TMEM168: variants seen among roughly 807,000 people sequenced by gnomAD.
TMEM168 encodes the protein transmembrane protein 168.
Under a neutral mutation model 53.2 loss-of-function variants are expected in TMEM168, and 40 were observed. The observed-to-expected ratio is 0.75, with a 90% CI of 0.58 to 0.98. The LOEUF (loss-of-function observed/expected upper bound fraction) is 0.98. TMEM168 is among the 50% of genes least tolerant of loss of function. The probability of loss-of-function intolerance (pLI) is 0.00; values close to 1 mark genes in which losing one functional copy is unlikely to be tolerated. For missense variants in TMEM168, 771 were observed against 828.8 expected (o/e 0.93, Z 0.86); for synonymous variants, 282 against 293.0 (o/e 0.96, Z 0.38).
intron 1 of TMEM168, among the ~76,000 whole-genome samples, chr7:112,785,922 C>T (rs2116308502): frequency 6.6e-6 from 1 of 152,198 alleles, no homozygotes; most frequent in African/African-American, 2.4e-5. Context: ...TAAAAAGAAA[C>T]TAGGGCCAGG....
In TMEM168 at chr7:112,784,545, A is replaced by T; in HGVS notation, c.281T>A (p.Leu94His). The change falls in exon 2 of 5, where the codon CTC becomes CAC. Residue 94 changes from leucine to histidine, a missense_variant. Coordinates refer to ENST00000312814, the MANE Select transcript of TMEM168 (RefSeq NM_022484.6). ...YFSMEAASLS[L>H]SNLWFGFLLG... is the part of the protein sequence containing the mutation. ...CAAGAATCCAAACCAAAGATTGGAG[A>T]GACTTAAACTTGCTGCTTCCATTGA... is the stretch of plus-strand genomic sequence containing the variant. 6.2e-7 allele frequency: 1 copy of T among 1,614,180 alleles called. No individual in the cohort carries two copies. The highest frequency in any genetic ancestry group is 2.2e-5 in the East Asian group (1 of 44,876).
chr7:112,769,969 C>T (rs1300060534), intron 4 of TMEM168, among the ~76,000 whole-genome samples: 1 of 152,148 alleles, frequency 6.6e-6, no homozygotes, highest in Non-Finnish European at 1.5e-5. Context: ...ACTGGGCCTG[C>T]TATCAACTTG....
chr7:112,775,395 C>T (rs1316866647), intron 2 of TMEM168, 77 bp from the exon 3 acceptor site: 16 of 1,237,940 alleles, frequency 1.3e-5, no homozygotes, highest in Non-Finnish European at 1.7e-5. Context: ...CATTGATTCA[C>T]ATTTTTTAGC....
intron 2 of TMEM168, among the ~76,000 whole-genome samples, chr7:112,783,316 T>C (rs1218272098): frequency 6.6e-6 from 1 of 152,222 alleles, no homozygotes; most frequent in Non-Finnish European, 1.5e-5. Flanking sequence ...TTCCTGCTAG[T>C]ACTAGTGACT....
rs949565875 is a variant in TMEM168, at chr7:112,772,841, C to A, written c.1486G>T (p.Asp496Tyr). Reference protein sequence around the residue: ...ELRTVDGPRHDTYILYYSGHT... With the variant: ...ELRTVDGPRHYTYILYYSGHT... ...CCACTGTAATACAAAATATACGTAT[C>A]ATGTCTGGGTCCATCCACTGTCCGA... is the stretch of plus-strand genomic sequence containing the variant. The change falls in exon 4 of 5, where the codon GAT (aspartate) becomes TAT (tyrosine). Residue 496 changes from aspartate to tyrosine, a missense_variant. Coordinates refer to ENST00000312814, the MANE Select transcript of TMEM168 (RefSeq NM_022484.6). 5.0e-6 allele frequency: 8 copies of A among 1,614,042 alleles called. No individual in the cohort carries two copies. In the South Asian group the frequency reaches 8.8e-5, roughly 18 times the overall value.
At chr7:112,777,055 A>C (rs559435498) in intron 2 of TMEM168, among the ~76,000 whole-genome samples, 128 of 152,084 alleles carry the variant, frequency 8.4e-4, no homozygotes, top group African/African-American at 3.0e-3. Context: ...TTCTTCACTG[A>C]TTTAGTTTTG....
At position 112,764,184 on chromosome 7, in the gene TMEM168, GTTTTT is replaced by G. The variant is rs535323845; in HGVS notation, c.*3008_*3012del. 1 of 149,838 alleles carries G rather than the reference GTTTTT, an allele frequency of 6.7e-6. No homozygotes were observed. Among genetic ancestry groups the G allele is most frequent in the African/African-American group, 2.5e-5 (1 of 40,314 alleles). The allele number at this position is 149,838 out of a possible 1,614,324, so 9.3% of individuals were successfully genotyped here. On this transcript the variant is annotated 3_prime_UTR_variant, in exon 5 of 5. Coordinates refer to ENST00000312814, the MANE Select transcript of TMEM168 (RefSeq NM_022484.6). Reference sequence around the variant, plus strand: ...TAAAAAAAGAAAATAAATTCATACTGTTTTTTTTATTCTATTGAAAAAAAAGATGA... The same window carrying G: ...TAAAAAAAGAAAATAAATTCATACTGTTTATTCTATTGAAAAAAAAGATGA...
Position 112,766,972 on chromosome 7 carries a change from C to G in TMEM168, c.*225G>C. The G allele has an allele frequency of 2.0e-6, 1 of 510,040 alleles. No individual in the cohort carries two copies. Among genetic ancestry groups the G allele is most frequent in the South Asian group, 2.9e-5 (1 of 34,684 alleles). The allele number at this position is 510,040 out of a possible 1,614,324, so 31.6% of individuals were successfully genotyped here. A position where few individuals can be genotyped will look rare whatever the true frequency, so the allele number is the denominator to read the frequency against. On this transcript the variant is annotated 3_prime_UTR_variant, in exon 5 of 5. Coordinates refer to ENST00000312814, the MANE Select transcript of TMEM168 (RefSeq NM_022484.6). ...AAGTGCAGTGTTATTTTTAACGTCT[C>G]TTATGCATTTACAGTAAGCATTTGA...
chr7:112,767,024 GTTTT>G lies in TMEM168; in HGVS notation c.*169_*172del. On this transcript the variant is annotated 3_prime_UTR_variant, in exon 5 of 5. Coordinates refer to ENST00000312814, the MANE Select transcript of TMEM168 (RefSeq NM_022484.6). ...TCCCTACATACTTTCATTATAAAAT[GTTTT>G]TTCCCAACGCCTTATATATACCATA... 1 of 631,558 alleles carries G rather than the reference GTTTT, an allele frequency of 1.6e-6. No homozygotes were observed. Among genetic ancestry groups the G allele is most frequent in the Non-Finnish European group, 2.6e-6 (1 of 378,370 alleles). The allele number at this position is 631,558 out of a possible 1,614,324, so 39.1% of individuals were successfully genotyped here.
Position 112,764,812 on chromosome 7 carries a change from T to TA in TMEM168, c.*2384_*2385insT, listed in dbSNP as rs1792735839. 1 of 148,790 alleles carries TA rather than the reference T, an allele frequency of 6.7e-6. No individual in the cohort carries two copies. The allele number at this position is 148,790 out of a possible 1,614,324, so 9.2% of individuals were successfully genotyped here. A position where few individuals can be genotyped will look rare whatever the true frequency, so the allele number is the denominator to read the frequency against. ...CATGCCTGGCTAAACATGTACTTTTTTTTTTTTTTGAGACAAAGAAAGAGT... is the reference window on the plus strand; with the variant it reads ...CATGCCTGGCTAAACATGTACTTTTTATTTTTTTTTGAGACAAAGAAAGAGT... On this transcript the variant is annotated 3_prime_UTR_variant, in exon 5 of 5. Transcript: ENST00000312814.
rs1233857054 is a variant in TMEM168, at chr7:112,765,175, TTTTG to T, written c.*2018_*2021del. The T allele has an allele frequency of 6.6e-6, 1 of 152,182 alleles. No homozygotes were observed. Among genetic ancestry groups the T allele is most frequent in the Non-Finnish European group, 1.5e-5 (1 of 68,034 alleles). The allele number at this position is 152,182 out of a possible 1,614,324, so 9.4% of individuals were successfully genotyped here. A position where few individuals can be genotyped will look rare whatever the true frequency, so the allele number is the denominator to read the frequency against. Reference sequence around the variant, plus strand: ...CCATCCCAAAAAGTCATTTATTGTTTTTTGTTTGTTTGGGTAGGAGAATTCATCA... The same window carrying T: ...CCATCCCAAAAAGTCATTTATTGTTTTTTGTTTGGGTAGGAGAATTCATCA... On this transcript the variant is annotated 3_prime_UTR_variant, in exon 5 of 5. Coordinates refer to ENST00000312814, the MANE Select transcript of TMEM168 (RefSeq NM_022484.6).
intron 2 of TMEM168, among the ~76,000 whole-genome samples, chr7:112,779,460 A>G (rs1793174331): frequency 6.6e-6 from 1 of 152,174 alleles, no homozygotes; most frequent in African/African-American, 2.4e-5. Flanking sequence ...CCTTTATTCT[A>G]TAGCTTCAAT....
chr7:112,785,012 T>C, intron 1 of TMEM168, 59 bp from the exon 2 acceptor site: 1 of 450,736 alleles, frequency 2.2e-6, no homozygotes, highest in Non-Finnish European at 3.7e-6. Context: ...CATTATTTTA[T>C]ATAAAGATGC....
intron 1 of TMEM168, among the ~76,000 whole-genome samples, chr7:112,788,040 C>T (rs1243416712): frequency 6.6e-6 from 1 of 152,106 alleles, no homozygotes; most frequent in African/African-American, 2.4e-5. Flanking sequence ...CCATATCCTG[C>T]ATATTCTTTA....
chr7:112,785,772 G>GC (rs1793362442), intron 1 of TMEM168, among the ~76,000 whole-genome samples: 3 of 152,060 alleles, frequency 2.0e-5, no homozygotes, highest in Admixed American at 1.3e-4. Context: ...GCTTCCACAA[G>GC]TCACACCTAA....
intron 4 of TMEM168, among the ~76,000 whole-genome samples, chr7:112,769,135 G>A (rs1483674567): frequency 6.6e-6 from 1 of 152,162 alleles, no homozygotes; most frequent in Non-Finnish European, 1.5e-5. Flanking sequence ...CACCACCAGA[G>A]AGAGAATCCT....
intron 2 of TMEM168, chr7:112,778,284 CA>C (rs1323956838): frequency 3.9e-5 from 6 of 152,122 alleles, no homozygotes; most frequent in Admixed American, 3.9e-4. Flanking sequence ...TTGAGGGGAC[CA>C]AAAGTGCAGC....
Position 112,784,888 on chromosome 7 carries a change from T to C in TMEM168, c.-63A>G. 7.0e-7 allele frequency: 1 copy of C among 1,438,690 alleles called. No individual in the cohort carries two copies. The highest frequency in any genetic ancestry group is 9.2e-7 in the Non-Finnish European group (1 of 1,090,296). 89.1% of individuals were successfully genotyped at this position (1,438,690 alleles called of 1,614,324 possible). A position where few individuals can be genotyped will look rare whatever the true frequency, so the allele number is the denominator to read the frequency against. Reference sequence around the variant, plus strand: ...AATTAACCGCTTGTATTTCATCCAGTATATCCAATGTATCCGCAACTCCTA... The same window carrying C: ...AATTAACCGCTTGTATTTCATCCAGCATATCCAATGTATCCGCAACTCCTA... On this transcript the variant is annotated 5_prime_UTR_variant, in exon 2 of 5. It adds an upstream start codon to the 5' untranslated region. Coordinates refer to ENST00000312814, the MANE Select transcript of TMEM168 (RefSeq NM_022484.6).
In TMEM168 at chr7:112,762,390, T is replaced by C. The variant is rs1431950493; in HGVS notation, c.*4807A>G. On this transcript the variant is annotated 3_prime_UTR_variant, in exon 5 of 5. Coordinates refer to ENST00000312814, the MANE Select transcript of TMEM168 (RefSeq NM_022484.6). Reference sequence around the variant, plus strand: ...AATTAATGCGAATTTTGTTCATCAATACATTGGTATGTGTTTTAATATAAA... The same window carrying C: ...AATTAATGCGAATTTTGTTCATCAACACATTGGTATGTGTTTTAATATAAA... 6.6e-6 allele frequency: 1 copy of C among 152,044 alleles called. No individual in the cohort carries two copies. The allele number at this position is 152,044 out of a possible 1,614,324, so 9.4% of individuals were successfully genotyped here.
Sources: gnomAD v4.1 joint callset for allele counts (sites outside exome capture counted in the v4.1 genomes callset) on GRCh38, gnomAD v4.1.1 for gene constraint, MANE v1.5 for transcripts, NCBI Gene and HGNC (gene_info 2026-07-23, HGNC 2026-07-21) for gene names.